The following PLCB1 variants were observed in gnomAD, a reference collection of about 807,000 sequenced individuals.
The protein encoded by PLCB1 is 1-phosphatidylinositol 4,5-bisphosphate phosphodiesterase beta-1.
Under a neutral mutation model 161.8 loss-of-function variants are expected in PLCB1, and 46 were observed. The ratio of observed to expected loss-of-function variants is 0.28; its 90% CI spans 0.22 to 0.36. The LOEUF (loss-of-function observed/expected upper bound fraction) is 0.36. PLCB1 is among the 10% of genes least tolerant of loss of function. The pLI, the probability that PLCB1 is intolerant of heterozygous loss-of-function variation, is 1.00. For missense variants in PLCB1, 1,016 were observed against 1,472.5 expected, an observed-to-expected ratio of 0.69 and a Z score of 5.07; for synonymous variants, 517 against 503.7, an observed-to-expected ratio of 1.03 and a Z score of -0.35.
intron 23 of PLCB1, chr20:8,751,727 G>A (rs947610578): frequency 1.3e-5 from 2 of 151,986 alleles, no homozygotes; most frequent in African/African-American, 4.8e-5. Flanking sequence ...TCTAGTCAAT[G>A]CGACTGAAGT....
chr20:8,149,632 A>C (rs6039052), intron 1 of PLCB1, among the ~76,000 whole-genome samples: 1,854 of 152,258 alleles, frequency 0.012, 41 homozygotes, highest in African/African-American at 0.042. Flanking sequence ...TGCAGATGGT[A>C]TGTCTTTCTG....
intron 1 of PLCB1, among the ~76,000 whole-genome samples, chr20:8,141,341 A>G (rs2051401033): frequency 6.6e-6 from 1 of 152,180 alleles, no homozygotes; most frequent in Admixed American, 6.5e-5. Context: ...CAAAAAGGGC[A>G]GGCCAGCCGC....
chr20:8,241,514 G>T (rs1422034230), intron 2 of PLCB1, among the ~76,000 whole-genome samples: 1 of 151,886 alleles, frequency 6.6e-6, no homozygotes, highest in Non-Finnish European at 1.5e-5. Flanking sequence ...TTGAAGCAAA[G>T]TTCTGTAGGA....
At chr20:8,485,016 G>T (rs1470181081) in intron 3 of PLCB1, among the ~76,000 whole-genome samples, 1 of 152,198 alleles carries the variant, frequency 6.6e-6, no homozygotes, top group Non-Finnish European at 1.5e-5. Context: ...TAGAAAGGCA[G>T]ATGCTTACCA....
At chr20:8,805,209 T>C (rs1984478044) in intron 31 of PLCB1, among the ~76,000 whole-genome samples, 1 of 152,266 alleles carries the variant, frequency 6.6e-6, no homozygotes, top group South Asian at 2.1e-4. Flanking sequence ...TAGACCTTAA[T>C]AGGTGAAGCT....
At chr20:8,581,049 G>A (rs1986818299) in intron 3 of PLCB1, among the ~76,000 whole-genome samples, 1 of 152,150 alleles carries the variant, frequency 6.6e-6, no homozygotes, top group African/African-American at 2.4e-5. Flanking sequence ...TAAGGAGTTA[G>A]GGCTTTACCC....
intron 3 of PLCB1, among the ~76,000 whole-genome samples, chr20:8,452,034 A>G (rs2122650636): frequency 6.6e-6 from 1 of 152,278 alleles, no homozygotes; most frequent in East Asian, 1.9e-4. Context: ...TAAAATGAAA[A>G]TAGCTGAGAG....
In PLCB1 at chr20:8,203,917, C is replaced by T. The variant is rs1240358361; in HGVS notation, c.177+53546C>T. On this transcript the variant is annotated intron_variant, in intron 2 of 31. Transcript: ENST00000338037. ...AGTTGCCCATAGTGAAGGACTTGTA[C>T]TTTATAACACCTTTCATTGCCTTCC... Among the ~76,000 whole-genome samples the T allele has an allele frequency of 2.6e-5, 4 of 152,254 alleles. No individual in the cohort carries two copies. In the East Asian group the frequency reaches 5.8e-4, roughly 22 times the overall value.
At chr20:8,625,866 A>G (rs907402780) in intron 3 of PLCB1, among the ~76,000 whole-genome samples, 3 of 152,158 alleles carry the variant, frequency 2.0e-5, no homozygotes, top group Non-Finnish European at 2.9e-5. Context: ...ATACTTCATT[A>G]TAAATTTCTA....
chr20:8,229,413 G>A (rs1237131754), intron 2 of PLCB1, among the ~76,000 whole-genome samples: 1 of 151,942 alleles, frequency 6.6e-6, no homozygotes, highest in East Asian at 1.9e-4. Context: ...AAACAGCTTG[G>A]TTCATAATTC....
intron 2 of PLCB1, among the ~76,000 whole-genome samples, chr20:8,262,643 T>C (rs1418899038): frequency 2.0e-5 from 3 of 152,256 alleles, no homozygotes; most frequent in Admixed American, 6.5e-5. Context: ...CTCCCCAAAA[T>C]TTGAGCTCTC....
At chr20:8,209,797 A>G (rs565223907) in intron 2 of PLCB1, among the ~76,000 whole-genome samples, 10 of 152,284 alleles carry the variant, frequency 6.6e-5, no homozygotes, top group South Asian at 6.2e-4. Flanking sequence ...CATATATAAC[A>G]TGCACAAGTG....
intron 2 of PLCB1, among the ~76,000 whole-genome samples, chr20:8,320,100 A>T (rs887119444): frequency 6.6e-6 from 1 of 152,178 alleles, no homozygotes; most frequent in African/African-American, 2.4e-5. Context: ...TTGGCTGCCT[A>T]GATATCCCAG....
At chr20:8,655,192 C>T (rs1174112243) in intron 7 of PLCB1, among the ~76,000 whole-genome samples, 3 of 152,080 alleles carry the variant, frequency 2.0e-5, no homozygotes, top group Non-Finnish European at 4.4e-5. Flanking sequence ...GCATATTGTT[C>T]TATCAAATTA....
intron 2 of PLCB1, among the ~76,000 whole-genome samples, chr20:8,208,757 A>AT (rs5840256): frequency 6.6e-6 from 1 of 151,650 alleles, no homozygotes; most frequent in African/African-American, 2.4e-5. Flanking sequence ...GATGATAGTG[A>AT]TTTTTTTTCA....
chr20:8,421,230 C>T (rs766512584), intron 3 of PLCB1, among the ~76,000 whole-genome samples: 1 of 152,310 alleles, frequency 6.6e-6, no homozygotes, highest in African/African-American at 2.4e-5. Context: ...TTCTCCTTGT[C>T]CTTAGGCAAT....
rs543087126 is a variant in PLCB1 at position 8,600,385 on chromosome 20, G to T, written c.247-27909G>T. ...TGTGAGGTGTCAGTGTGCCCCTGCT[G>T]GGGGGTGCCTCCCAGTTAGGCTGCT... On this transcript the variant is annotated intron_variant, in intron 3 of 31. Transcript: ENST00000338037. Among the ~76,000 whole-genome samples, 161 of 124,276 alleles carry T rather than the reference G, an allele frequency of 1.3e-3. 4 individuals carry two copies. In the South Asian group the frequency reaches 0.038, roughly 29 times the overall value. The allele number at this position is 124,276 out of a possible 152,430, so 81.5% of individuals were successfully genotyped here. A position where few individuals can be genotyped will look rare whatever the true frequency, so the allele number is the denominator to read the frequency against.
chr20:8,391,516 C>T (rs530711470), intron 3 of PLCB1, among the ~76,000 whole-genome samples: 13 of 152,002 alleles, frequency 8.6e-5, no homozygotes, highest in Admixed American at 3.9e-4. Context: ...AATGGAATAA[C>T]AAGGTTAGGG....
chr20:8,433,621 A>T (rs1465171721), intron 3 of PLCB1, among the ~76,000 whole-genome samples: 1 of 147,256 alleles, frequency 6.8e-6, no homozygotes, highest in East Asian at 1.9e-4. Flanking sequence ...TGTTGCAAGT[A>T]TTAAATAAGA....
Sources: gnomAD v4.1 joint callset for allele counts (sites outside exome capture counted in the v4.1 genomes callset) on GRCh38, gnomAD v4.1.1 for gene constraint, MANE v1.5 for transcripts, NCBI Gene and HGNC (gene_info 2026-07-23, HGNC 2026-07-21) for gene names.